Variants in TSPAN11 observed in about 807,000 individuals in gnomAD.
TSPAN11 encodes the protein tetraspanin-11.
Under a neutral mutation model 32.9 loss-of-function variants are expected in TSPAN11, and 29 were observed. The ratio of observed to expected loss-of-function variants is 0.88; its 90% CI spans 0.66 to 1.20. The LOEUF is 1.20. TSPAN11 is among the 50% of genes most tolerant of loss of function. The pLI is 0.00. For synonymous variants in TSPAN11, 140 were observed against 141.3 expected (o/e 0.99, Z 0.07); for missense variants, 283 against 329.1 (o/e 0.86, Z 1.08).
At chr12:30,971,074 C>T (rs543419890) in intron 3 of TSPAN11, among the ~76,000 whole-genome samples, 1 of 152,170 alleles carries the variant, frequency 6.6e-6, no homozygotes, top group African/African-American at 2.4e-5. Context: ...GCAACTTAAC[C>T]TTGGCAGGGT....
intron 5 of TSPAN11, among the ~76,000 whole-genome samples, chr12:30,981,115 C>T (rs896068171): frequency 6.6e-6 from 1 of 152,148 alleles, no homozygotes; most frequent in Non-Finnish European, 1.5e-5. Flanking sequence ...CAACTGACAG[C>T]GAAGGCTGTG....
At chr12:30,936,908 A>G (rs952029142) in intron 1 of TSPAN11, among the ~76,000 whole-genome samples, 8 of 152,222 alleles carry the variant, frequency 5.3e-5, no homozygotes, top group Non-Finnish European at 1.2e-4. Flanking sequence ...AAGGAATGCC[A>G]TCCTTAAAGG....
At chr12:30,987,223 G>A (rs1939217322) in intron 7 of TSPAN11, among the ~76,000 whole-genome samples, 1 of 152,198 alleles carries the variant, frequency 6.6e-6, no homozygotes, top group African/African-American at 2.4e-5. Flanking sequence ...GAGAGTCAGG[G>A]TGTGGGAGGT....
intron 3 of TSPAN11, among the ~76,000 whole-genome samples, chr12:30,965,924 C>T (rs1041681581): frequency 6.6e-6 from 1 of 152,144 alleles, no homozygotes; most frequent in Non-Finnish European, 1.5e-5. Flanking sequence ...CTTGACCAGC[C>T]CGTAGCCCAC....
chr12:30,931,440 A>G (rs942745387), intron 1 of TSPAN11, among the ~76,000 whole-genome samples: 15 of 152,176 alleles, frequency 9.9e-5, no homozygotes, highest in African/African-American at 3.6e-4. Flanking sequence ...TGGTAGCTTG[A>G]CTGAAGCCTT....
intron 1 of TSPAN11, among the ~76,000 whole-genome samples, chr12:30,950,637 T>C (rs1429728654): frequency 6.6e-6 from 1 of 152,214 alleles, no homozygotes. Context: ...CTTTCTCTCA[T>C]GTACACTCAG....
At chr12:30,965,948 C>T (rs1389786888) in intron 3 of TSPAN11, among the ~76,000 whole-genome samples, 1 of 152,082 alleles carries the variant, frequency 6.6e-6, no homozygotes, top group African/African-American at 2.4e-5. Context: ...CCGCATGCAG[C>T]CCAGGACAGC....
the TSPAN11 span, among the ~76,000 whole-genome samples, chr12:31,004,124 G>A: frequency 4.6e-5 from 7 of 152,164 alleles, no homozygotes; most frequent in African/African-American, 1.7e-4. Flanking sequence ...CCCAGCCAGC[G>A]ACATGCACTG....
chr12:30,970,617 C>T lies in TSPAN11; in HGVS notation c.276+6600C>T, dbSNP rs1196684739. ...CTGGCCCCCTTTTCTGCTCCCAGAA[C>T]CACAAGTCAGTATCAGACATTGGCC... On this transcript the variant is annotated intron_variant, in intron 3 of 7. Transcript: ENST00000546076. 3.3e-5 allele frequency among the ~76,000 whole-genome samples: 5 copies of T among 152,206 alleles called. No homozygotes were observed. In the South Asian group the frequency reaches 1.0e-3, roughly 32 times the overall value.
At chr12:31,016,168 T>A in the TSPAN11 span, among the ~76,000 whole-genome samples, 8 of 152,198 alleles carry the variant, frequency 5.3e-5, no homozygotes, top group South Asian at 8.3e-4. Flanking sequence ...AGGACAGATA[T>A]TGTATGAGTC....
chr12:30,931,095 G>A (rs941572228), intron 1 of TSPAN11, among the ~76,000 whole-genome samples: 1 of 152,152 alleles, frequency 6.6e-6, no homozygotes, highest in African/African-American at 2.4e-5. Context: ...GGTAGTGTGG[G>A]ATAAACCCCC....
chr12:30,978,061 C>T (rs1233025771), intron 3 of TSPAN11, among the ~76,000 whole-genome samples: 1 of 152,174 alleles, frequency 6.6e-6, no homozygotes, highest in Non-Finnish European at 1.5e-5. Flanking sequence ...TTCACTTGTT[C>T]TCCCCTCTTC....
At chr12:30,990,864 G>A (rs1270047866) in intron 7 of TSPAN11, among the ~76,000 whole-genome samples, 1 of 152,208 alleles carries the variant, frequency 6.6e-6, no homozygotes, top group South Asian at 2.1e-4. Context: ...TCATGGGGCT[G>A]CTTTAGCCCA....
Position 30,982,667 on chromosome 12 carries a change from C to T in TSPAN11, c.592C>T (p.Pro198Ser). The T allele has an allele frequency of 1.3e-6, 2 of 1,594,346 alleles. No homozygotes were observed. The highest frequency in any genetic ancestry group is 1.7e-6 in the Non-Finnish European group (2 of 1,170,316). Residue 198 changes from proline (P) to serine (S), a missense_variant, in exon 6 of 8, where the codon CCC becomes TCC. Pro to Ser is a moderately conservative substitution (Grantham distance 74, BLOSUM62 -1). Coordinates refer to ENST00000546076, the MANE Select transcript of TSPAN11 (RefSeq NM_001370302.1). ...VVVRCGQRAH[P>S]SNIYKVEGGC... ...GGTGCGCTGCGGCCAGCGGGCCCAC[C>T]CCTCCAACATCTATAAGGTGGAGGT... is the stretch of plus-strand genomic sequence containing the variant.
chr12:30,961,941 G>A (rs1041548975), intron 2 of TSPAN11, among the ~76,000 whole-genome samples: 5 of 152,038 alleles, frequency 3.3e-5, no homozygotes, highest in African/African-American at 4.8e-5. Context: ...CACTGGTCAT[G>A]GAGGTTGTGT....
At chr12:30,966,334 C>A (rs1440690391) in intron 3 of TSPAN11, among the ~76,000 whole-genome samples, 1 of 152,204 alleles carries the variant, frequency 6.6e-6, no homozygotes. Context: ...AGAGCCAGCC[C>A]TATCACACTG....
At chr12:30,959,276 G>A (rs1326469148) in intron 2 of TSPAN11, among the ~76,000 whole-genome samples, 5 of 152,276 alleles carry the variant, frequency 3.3e-5, no homozygotes, top group African/African-American at 9.6e-5. Context: ...GCATGCAGGA[G>A]AGGGATGAAC....
chr12:31,002,711 A>G, the TSPAN11 span, among the ~76,000 whole-genome samples: 1 of 151,982 alleles, frequency 6.6e-6, no homozygotes, highest in African/African-American at 2.4e-5. This position sits in a 1 kb window ranked among gnomAD's most constrained non-coding sequence, Gnocchi z 4.8. Flanking sequence ...GCTAGTTAGC[A>G]CCTCCACCTA....
At chr12:30,991,075 C>T (rs1203655632) in intron 7 of TSPAN11, among the ~76,000 whole-genome samples, 2 of 152,162 alleles carry the variant, frequency 1.3e-5, no homozygotes, top group Non-Finnish European at 2.9e-5. Flanking sequence ...AGTGAGAAGG[C>T]GGTGTGCAGG....
Sources: gnomAD v4.1 joint callset for allele counts (sites outside exome capture counted in the v4.1 genomes callset) on GRCh38, gnomAD v4.1.1 for gene constraint, Gnocchi (gnomAD v3.1) non-coding constraint, MANE v1.5 for transcripts, NCBI Gene and HGNC (gene_info 2026-07-23, HGNC 2026-07-21) for gene names.